The following MAEA variants were observed in gnomAD, a reference collection of about 807,000 sequenced individuals.
MAEA encodes the protein macrophage erythroblast attacher, E3 ubiquitin ligase, also known as E3 ubiquitin-protein transferase MAEA.
MAEA carries 22 observed loss-of-function variants against 46.2 expected under a neutral mutation model. The ratio of observed to expected loss-of-function variants is 0.48; its 90% CI spans 0.34 to 0.68. The LOEUF is 0.68. MAEA is among the 30% of genes least tolerant of loss of function. The probability of loss-of-function intolerance (pLI) is 0.01; values close to 1 mark genes in which losing one functional copy is unlikely to be tolerated. For missense variants in MAEA, 393 were observed against 558.1 expected (o/e 0.70, Z 2.98); for synonymous variants, 246 against 222.6 (o/e 1.11, Z -0.94).
chr4:1,291,888 T>G (rs991706007), intron 1 of MAEA, among the ~76,000 whole-genome samples: 19 of 152,260 alleles, frequency 1.2e-4, no homozygotes, highest in Non-Finnish European at 2.4e-4. Flanking sequence ...ATAATTTCTC[T>G]GTTGACACTT....
intron 5 of MAEA, chr4:1,332,486 AG>A (rs1711966915): frequency 6.4e-6 from 2 of 314,278 alleles, no homozygotes; most frequent in Non-Finnish European, 1.2e-5. Flanking sequence ...AGGCCGGGGC[AG>A]GAAGATGGCT....
In MAEA at chr4:1,322,558, C is replaced by G. The variant is rs1738264442; in HGVS notation, c.579+55C>G. The G allele has an allele frequency of 6.9e-6, 11 of 1,600,982 alleles. No homozygotes were observed. The East Asian group carries it at 2.2e-4, about 33-fold the overall frequency. On this transcript the variant is annotated intron_variant, in intron 4 of 8. Coordinates refer to ENST00000303400, the MANE Select transcript of MAEA (RefSeq NM_001017405.3). ...TGGGTCGGGGCCGAGGCTGCGCCAC[C>G]TGCCCTGGAGCCAGCACCCCCTTGC...
intron 1 of MAEA, among the ~76,000 whole-genome samples, chr4:1,300,765 A>G (rs61367508): frequency 0.15 from 23,488 of 152,188 alleles, 3,496 homozygotes; most frequent in East Asian, 0.42. Flanking sequence ...GGCCGACAGC[A>G]CTCTTGCCAC....
In MAEA at chr4:1,311,597, G is replaced by A. The variant is rs891882363; in HGVS notation, c.70-382G>A. 2.6e-5 allele frequency among the ~76,000 whole-genome samples: 4 copies of A among 152,114 alleles called. No individual in the cohort carries two copies. Among genetic ancestry groups the A allele is most frequent in the South Asian group, 2.1e-4 (1 of 4,824 alleles). On this transcript the variant is annotated intron_variant, in intron 1 of 8. Transcript: ENST00000303400. This position sits in a 1 kb window ranked among gnomAD's most constrained non-coding sequence, Gnocchi z 4.4. The stretch of plus-strand genomic sequence containing the variant: ...GCCTCGTGTGGTGGCGCCTGCAGCC[G>A]CAGCAGCCTGGCTGATCACCGGCCA...
chr4:1,318,273 G>A (rs989889147), intron 3 of MAEA, among the ~76,000 whole-genome samples: 1 of 152,218 alleles, frequency 6.6e-6, no homozygotes, highest in South Asian at 2.1e-4. Context: ...GGCGGTGGCT[G>A]CTGAAGCATG....
chr4:1,303,190 C>T (rs111512809), intron 1 of MAEA, among the ~76,000 whole-genome samples: 3 of 141,334 alleles, frequency 2.1e-5, no homozygotes, highest in African/African-American at 7.9e-5. Flanking sequence ...AGATTGAGAC[C>T]GTCCTGGCCA....
intron 5 of MAEA, among the ~76,000 whole-genome samples, chr4:1,328,151 G>T (rs987128865): frequency 6.6e-6 from 1 of 152,370 alleles, no homozygotes; most frequent in African/African-American, 2.4e-5. Flanking sequence ...TGTTGACAGC[G>T]TGTGATGAGG....
intron 3 of MAEA, among the ~76,000 whole-genome samples, chr4:1,320,952 T>G (rs1738006853): frequency 6.6e-6 from 1 of 151,916 alleles, no homozygotes; most frequent in Non-Finnish European, 1.5e-5. Flanking sequence ...TACAAAAATT[T>G]AGCCGGGCGT....
In MAEA at chr4:1,311,696, C is replaced by T. The variant is rs138350039; in HGVS notation, c.70-283C>T. On this transcript the variant is annotated intron_variant, in intron 1 of 8. Transcript: ENST00000303400. This position sits in a 1 kb window ranked among gnomAD's most constrained non-coding sequence, Gnocchi z 4.4. ...CTGTTTGGAAATTTCTTTAACTGTT[C>T]GTTATTCTGGATGAACTTTGGGATT... Among the ~76,000 whole-genome samples, 8 of 152,272 alleles carry T rather than the reference C, an allele frequency of 5.3e-5. No individual in the cohort carries two copies. Among genetic ancestry groups the T allele is most frequent in the Middle Eastern group, 3.4e-3 (1 of 294 alleles).
chr4:1,306,331 G>A (rs1254699611), intron 1 of MAEA, among the ~76,000 whole-genome samples: 1 of 152,124 alleles, frequency 6.6e-6, no homozygotes, highest in Non-Finnish European at 1.5e-5. Flanking sequence ...TGATGTTCCT[G>A]TTCAAACCTT....
At chr4:1,320,836 C>T (rs1430406661) in intron 3 of MAEA, among the ~76,000 whole-genome samples, 1 of 151,168 alleles carries the variant, frequency 6.6e-6, no homozygotes, top group Non-Finnish European at 1.5e-5. Context: ...CACGGTGGCT[C>T]ACGCCTGTAA....
intron 6 of MAEA, chr4:1,334,885 T>C (rs965973380): frequency 1.5e-5 from 15 of 985,328 alleles, no homozygotes; most frequent in Non-Finnish European, 1.8e-5. Context: ...TTGTAGACTT[T>C]GATTTTTAGA....
chr4:1,335,665 A>C (rs1403328588), intron 6 of MAEA: 1 of 950,916 alleles, frequency 1.1e-6, no homozygotes, highest in Non-Finnish European at 1.2e-6. Context: ...TCACAGAGTT[A>C]AGTCAGCACT....
At chr4:1,322,943 C>CTTTTTTT (rs60692981) in intron 4 of MAEA, among the ~76,000 whole-genome samples, 8 of 75,266 alleles carry the variant, frequency 1.1e-4, no homozygotes, top group African/African-American at 2.5e-4. Context: ...TGAATACCCA[C>CTTTTTTT]TTTTTTTTTT....
intron 1 of MAEA, among the ~76,000 whole-genome samples, chr4:1,297,484 T>C (rs532753666): frequency 3.3e-5 from 5 of 152,208 alleles, no homozygotes; most frequent in Non-Finnish European, 7.4e-5. Context: ...TACATACATA[T>C]AGAGAGAGAG....
chr4:1,330,245 C>A, intron 5 of MAEA: 1 of 602,584 alleles, frequency 1.7e-6, no homozygotes, highest in Non-Finnish European at 2.1e-6. Context: ...AGCTCCGTGC[C>A]GTCTGTCGCA....
intron 1 of MAEA, chr4:1,298,155 A>G (rs955205188): frequency 1.6e-5 from 7 of 446,632 alleles, no homozygotes; most frequent in South Asian, 6.3e-5. Flanking sequence ...TGAGCCCCCC[A>G]TGCCTGCCCC....
chr4:1,330,114 G>A, intron 5 of MAEA: 1 of 985,444 alleles, frequency 1.0e-6, no homozygotes, highest in South Asian at 4.7e-5. Context: ...TTTGCGAAAT[G>A]CAAAAGTATG....
Position 1,322,943 on chromosome 4 carries a change from C to CCTTTTTTTTTTTTTTTTTT in MAEA, c.579+440_579+441insCTTTTTTTTTTTTTTTTTT, listed in dbSNP as rs1560368750. Among the ~76,000 whole-genome samples, 10 of 75,246 alleles carry CCTTTTTTTTTTTTTTTTTT rather than the reference C, an allele frequency of 1.3e-4. 4 individuals carry two copies. The highest frequency in any genetic ancestry group is 1.2e-4 in the Non-Finnish European group (5 of 41,994). The allele number at this position is 75,246 out of a possible 152,430, so 49.4% of individuals were successfully genotyped here. ...CTGTGATATTGTTAATGAATACCCA[C>CCTTTTTTTTTTTTTTTTTT]TTTTTTTTTTTTTTTTTTTTTTTTT... is the stretch of plus-strand genomic sequence containing the variant. On this transcript the variant is annotated intron_variant, in intron 4 of 8. Transcript: ENST00000303400.
Sources: allele counts gnomAD v4.1 joint callset (sites outside exome capture counted in the v4.1 genomes callset), GRCh38; gene constraint gnomAD v4.1.1; non-coding constraint Gnocchi (gnomAD v3.1); transcripts MANE v1.5; gene names NCBI Gene and HGNC (gene_info 2026-07-23, HGNC 2026-07-21).